The following TET1 variants were observed in gnomAD, a reference collection of about 807,000 sequenced individuals.
TET1 encodes the protein methylcytosine dioxygenase TET1.
A neutral mutation model predicts 148.7 loss-of-function variants in TET1; 13 were observed. The ratio of observed to expected loss-of-function variants is 0.09; its 90% confidence interval spans 0.06 to 0.14. The LOEUF (loss-of-function observed/expected upper bound fraction) is 0.14, where lower values mean the gene tolerates loss of function less well. Among genes scored for constraint, TET1 ranks in the 10% least tolerant of loss-of-function variants. The pLI, the probability that TET1 is intolerant of heterozygous loss-of-function variation, is 1.00. For missense variants in TET1, 2,182 were observed against 2,553.8 expected (o/e 0.85, Z 3.14); for synonymous variants, 907 against 937.2 (o/e 0.97, Z 0.59).
rs191816605 is a variant in TET1 at position 68,625,029 on chromosome 10, C to T, written c.1969-19669C>T. Among the ~76,000 whole-genome samples, 564 of 152,202 alleles carry T rather than the reference C, an allele frequency of 3.7e-3. 5 individuals are homozygous for T. Among genetic ancestry groups the T allele is most frequent in the African/African-American group, 0.013 (535 of 41,532 alleles). ...GATTACAGGCGTGAGCCAGTGCGCC[C>T]GGCTTCTTTTTCTTACTGTATGTTC... On this transcript the variant is annotated intron_variant, in intron 3 of 11. Transcript: ENST00000373644.
intron 2 of TET1, among the ~76,000 whole-genome samples, chr10:68,593,794 A>G (rs1049384800): frequency 1.3e-5 from 2 of 151,042 alleles, no homozygotes; most frequent in Non-Finnish European, 1.5e-5. Flanking sequence ...TTGTATTTTT[A>G]GTAGAGACAG....
At chr10:68,682,060 C>A (rs1291363003) in intron 9 of TET1, among the ~76,000 whole-genome samples, 1 of 136,910 alleles carries the variant, frequency 7.3e-6, no homozygotes, top group African/African-American at 2.7e-5. Context: ...ATCTAACATA[C>A]ATTTATGTAA....
chr10:68,597,030 A>ATTTTGTTTTTTTTTTTTTTTTT (rs2053996297), intron 2 of TET1, among the ~76,000 whole-genome samples: 3 of 98,894 alleles, frequency 3.0e-5, no homozygotes, highest in Non-Finnish European at 5.8e-5. Context: ...CAGCTAATGG[A>ATTTTGTTTTTTTTTTTTTTTTT]TTTTTTTTTT....
At chr10:68,618,434 A>G (rs146901121) in intron 3 of TET1, among the ~76,000 whole-genome samples, 2 of 152,186 alleles carry the variant, frequency 1.3e-5, no homozygotes, top group Non-Finnish European at 2.9e-5. Context: ...TCCTGCTCTT[A>G]TCTTCCACAG....
chr10:68,671,015 T>C (rs1159665526), intron 7 of TET1, among the ~76,000 whole-genome samples: 1 of 152,202 alleles, frequency 6.6e-6, no homozygotes, highest in Admixed American at 6.5e-5. Context: ...TTTTGTTCTT[T>C]CTTTCTGGTG....
chr10:68,669,267 T>A (rs1279622010), intron 7 of TET1, among the ~76,000 whole-genome samples: 1 of 151,362 alleles, frequency 6.6e-6, no homozygotes, highest in Non-Finnish European at 1.5e-5. Flanking sequence ...AAAAAACAGT[T>A]CACAAATACA....
intron 6 of TET1, among the ~76,000 whole-genome samples, chr10:68,657,796 G>A (rs966653114): frequency 6.6e-6 from 1 of 152,074 alleles, no homozygotes; most frequent in African/African-American, 2.4e-5. Context: ...GGTAGAGGTT[G>A]AATGAAAATT....
chr10:68,649,578 C>T (rs2030064422), intron 4 of TET1, among the ~76,000 whole-genome samples: 1 of 148,200 alleles, frequency 6.7e-6, no homozygotes, highest in Non-Finnish European at 1.5e-5. Flanking sequence ...TGCACTCCAG[C>T]CTGGATGACA....
chr10:68,583,708 C>A (rs1223715529), intron 2 of TET1, among the ~76,000 whole-genome samples: 1 of 152,106 alleles, frequency 6.6e-6, no homozygotes, highest in Non-Finnish European at 1.5e-5. Context: ...GTCAAGAGAT[C>A]AAGACCATCC....
intron 6 of TET1, among the ~76,000 whole-genome samples, chr10:68,656,033 C>G (rs1404227184): frequency 1.3e-5 from 2 of 152,118 alleles, no homozygotes; most frequent in Non-Finnish European, 2.9e-5. Context: ...GTTGTGCTCT[C>G]CTTATGAGAA....
In TET1 at chr10:68,645,542, G is replaced by C. The variant is rs762181670; in HGVS notation, c.2813G>C (p.Arg938Thr). 2.2e-5 allele frequency: 36 copies of C among 1,613,986 alleles called. No homozygotes were observed. Among genetic ancestry groups the C allele is most frequent in the Non-Finnish European group, 3.0e-5 (35 of 1,180,028 alleles). ...NSCKAILYTV[R>T]KDLQDPNLQG... Reference sequence around the variant, plus strand: ...TGCAAAGCTATCCTCTACACTGTAAGAAAAGACCTCCAAGACCCAAACTTA... The same window carrying C: ...TGCAAAGCTATCCTCTACACTGTAACAAAAGACCTCCAAGACCCAAACTTA... The change falls in exon 4 of 12, where the codon AGA becomes ACA. Residue 938 changes from arginine to threonine, a missense_variant. By Grantham distance (71) the Arg-to-Thr change is moderately conservative. Coordinates refer to ENST00000373644, the MANE Select transcript of TET1 (RefSeq NM_030625.3).
At chr10:68,591,501 G>A (rs1309429801) in intron 2 of TET1, among the ~76,000 whole-genome samples, 1 of 152,158 alleles carries the variant, frequency 6.6e-6, no homozygotes, top group Non-Finnish European at 1.5e-5. Context: ...CTCATTTGTA[G>A]GCAGTCAAAT....
At chr10:68,683,395 T>C (rs1045616251) in intron 10 of TET1, among the ~76,000 whole-genome samples, 7 of 152,124 alleles carry the variant, frequency 4.6e-5, no homozygotes, top group African/African-American at 9.7e-5. Flanking sequence ...TCTCCTGCCT[T>C]AGCCTCCCAA....
intron 2 of TET1, among the ~76,000 whole-genome samples, chr10:68,584,205 A>G (rs1590169469): frequency 6.9e-6 from 1 of 144,808 alleles, no homozygotes; most frequent in Non-Finnish European, 1.5e-5. Context: ...ACACCCAGCT[A>G]ATTTTTTTTT....
At chr10:68,660,084 G>A (rs1209462936) in intron 6 of TET1, among the ~76,000 whole-genome samples, 2 of 151,958 alleles carry the variant, frequency 1.3e-5, no homozygotes, top group African/African-American at 4.8e-5. Context: ...AAAGATACCC[G>A]CTACACTTGA....
Position 68,654,577 on chromosome 10 carries a change from T to A in TET1, c.4461+1983T>A, listed in dbSNP as rs2054994669. On this transcript the variant is annotated intron_variant, in intron 6 of 11. Coordinates refer to ENST00000373644, the MANE Select transcript of TET1 (RefSeq NM_030625.3). ...GGTTGCAGTGGGCCTAGATCGTGCC[T>A]CTGCACTCCAGCCTGGGAGACAGAG... Among the ~76,000 whole-genome samples, 6 of 151,958 alleles carry A rather than the reference T, an allele frequency of 3.9e-5. No individual in the cohort carries two copies. The South Asian group carries it at 8.3e-4, about 21-fold the overall frequency.
chr10:68,597,819 A>T (rs1345082765), intron 2 of TET1, among the ~76,000 whole-genome samples: 1 of 152,254 alleles, frequency 6.6e-6, no homozygotes, highest in Non-Finnish European at 1.5e-5. Context: ...TGTAAATATT[A>T]TGCTATTAAT....
At chr10:68,686,755 ATG>A (rs778627486) in intron 11 of TET1, 48 bp downstream of exon 11, 3 of 1,519,964 alleles carry the variant, frequency 2.0e-6, no homozygotes, top group Non-Finnish European at 2.7e-6. Context: ...TGATGGATAG[ATG>A]TGTTTGGACT....
rs772720772 is a variant in TET1, at chr10:68,573,024, C to T, written c.686C>T (p.Ser229Phe). The change falls in exon 2 of 12, where the codon TCT becomes TTT. Residue 229 changes from serine to phenylalanine, a missense_variant. This residue lies in a region of TET1 where 665 missense variants were observed against 672.4 expected (regional missense o/e 0.99). Coordinates refer to ENST00000373644, the MANE Select transcript of TET1 (RefSeq NM_030625.3). Reference protein sequence around the residue: ...EGTRCGEGLFSEETLNDTSGS... With the variant: ...EGTRCGEGLFFEETLNDTSGS... ...ACACGCTGTGGTGAAGGACTATTCT[C>T]TGAAGAGACATTGAATGATACCAGT... 2.5e-6 allele frequency: 4 copies of T among 1,614,160 alleles called. No homozygotes were observed. Among genetic ancestry groups the T allele is most frequent in the Admixed American group, 3.3e-5 (2 of 60,012 alleles).
Sources: gnomAD v4.1 joint callset for allele counts (sites outside exome capture counted in the v4.1 genomes callset) on GRCh38, gnomAD v4.1.1 for gene constraint, gnomAD v4.1.1 regional missense constraint, MANE v1.5 for transcripts, NCBI Gene and HGNC (gene_info 2026-07-23, HGNC 2026-07-21) for gene names.